The following MAPKAP1 variants were observed in gnomAD, a reference collection of about 807,000 sequenced individuals.
MAPKAP1 encodes the protein target of rapamycin complex 2 subunit MAPKAP1.
A neutral mutation model predicts 65.7 loss-of-function variants in MAPKAP1; 20 were observed. That is an observed-to-expected ratio of 0.30 (90% CI 0.21 to 0.44). The LOEUF (loss-of-function observed/expected upper bound fraction) is 0.44, where lower values mean the gene tolerates loss of function less well. MAPKAP1 is among the 20% of genes least tolerant of loss of function. The pLI, the probability that MAPKAP1 is intolerant of heterozygous loss-of-function variation, is 1.00. For missense variants in MAPKAP1, 423 were observed against 648.0 expected (o/e 0.65, Z 3.77); for synonymous variants, 222 against 244.3 (o/e 0.91, Z 0.85).
chr9:125,592,579 T>C (rs1831996334), intron 4 of MAPKAP1, among the ~76,000 whole-genome samples: 1 of 152,026 alleles, frequency 6.6e-6, no homozygotes, highest in Non-Finnish European at 1.5e-5. Context: ...ATGTAGCCTG[T>C]GTTAAGGGAT....
intron 4 of MAPKAP1, among the ~76,000 whole-genome samples, chr9:125,639,906 T>C (rs1833529562): frequency 6.6e-6 from 1 of 152,114 alleles, no homozygotes; most frequent in Non-Finnish European, 1.5e-5. Context: ...TCTGGGGAGA[T>C]ATACTTGAAC....
intron 4 of MAPKAP1, among the ~76,000 whole-genome samples, chr9:125,636,021 C>A (rs1833413177): frequency 6.6e-6 from 1 of 152,216 alleles, no homozygotes; most frequent in Non-Finnish European, 1.5e-5. Context: ...CTGGTATCAG[C>A]TGCGGCTGGT....
intron 2 of MAPKAP1, among the ~76,000 whole-genome samples, chr9:125,670,182 G>C (rs1288177715): frequency 6.6e-6 from 1 of 152,096 alleles, no homozygotes; most frequent in African/African-American, 2.4e-5. Context: ...GAAAACTTCT[G>C]TGATTAATAT....
At chr9:125,693,450 C>CAT (rs1490056234) in intron 1 of MAPKAP1, among the ~76,000 whole-genome samples, 20 of 149,566 alleles carry the variant, frequency 1.3e-4, no homozygotes, top group Non-Finnish European at 2.7e-4. Context: ...TATACACACA[C>CAT]ACACACATAC....
At chr9:125,680,824 C>G (rs1395216324) in intron 1 of MAPKAP1, among the ~76,000 whole-genome samples, 1 of 152,096 alleles carries the variant, frequency 6.6e-6, no homozygotes, top group Non-Finnish European at 1.5e-5. Flanking sequence ...AAGATAAACC[C>G]ACCACCAAAT....
chr9:125,504,118 T>C (rs1829070282), intron 8 of MAPKAP1, among the ~76,000 whole-genome samples: 1 of 152,158 alleles, frequency 6.6e-6, no homozygotes, highest in Non-Finnish European at 1.5e-5. Context: ...ATTATACTGT[T>C]ATACTACAGA....
intron 1 of MAPKAP1, among the ~76,000 whole-genome samples, chr9:125,693,783 GTA>G (rs748246969): frequency 5.9e-4 from 60 of 101,774 alleles, no homozygotes; most frequent in Non-Finnish European, 9.7e-4. Context: ...ATATATACAC[GTA>G]TATATATACA....
Position 125,693,570 on chromosome 9 carries a change from TACAC to T in MAPKAP1, c.-70+13397_-70+13400del, listed in dbSNP as rs766707950. On this transcript the variant is annotated intron_variant, in intron 1 of 11. Coordinates refer to ENST00000265960, the MANE Select transcript of MAPKAP1 (RefSeq NM_001006617.3). ...ATACATATACACACACATATATACATACACACACATATATACACGTATACACACA... is the reference window on the plus strand; with the variant it reads ...ATACATATACACACACATATATACATACACATATATACACGTATACACACA... 4.3e-4 allele frequency among the ~76,000 whole-genome samples: 63 copies of T among 147,356 alleles called. 2 individuals carry two copies. In the South Asian group the frequency reaches 4.5e-3, roughly 11 times the overall value.
intron 9 of MAPKAP1, among the ~76,000 whole-genome samples, chr9:125,483,517 T>A (rs1854390489): frequency 6.6e-6 from 1 of 152,106 alleles, no homozygotes; most frequent in Non-Finnish European, 1.5e-5. Flanking sequence ...CCCTAAGAGT[T>A]AAAAGGAGAC....
chr9:125,528,012 G>T (rs1040321018), intron 7 of MAPKAP1, among the ~76,000 whole-genome samples: 3 of 152,214 alleles, frequency 2.0e-5, no homozygotes, highest in African/African-American at 7.2e-5. Context: ...GCTGTGGACT[G>T]GTTTTCACTA....
At chr9:125,633,507 A>G (rs1429912419) in intron 4 of MAPKAP1, among the ~76,000 whole-genome samples, 1 of 152,220 alleles carries the variant, frequency 6.6e-6, no homozygotes, top group Non-Finnish European at 1.5e-5. Context: ...AGAATGGCCA[A>G]TCTAGTTTCT....
intron 3 of MAPKAP1, among the ~76,000 whole-genome samples, chr9:125,668,810 G>T (rs1588056243): frequency 6.6e-6 from 1 of 152,206 alleles, no homozygotes; most frequent in African/African-American, 2.4e-5. Context: ...AAAAAAGACT[G>T]TTACTAGGCC....
At chr9:125,596,519 G>A (rs1302821146) in intron 4 of MAPKAP1, 2 of 727,328 alleles carry the variant, frequency 2.7e-6, no homozygotes, top group Non-Finnish European at 5.1e-6. Flanking sequence ...GGAGGCAGAA[G>A]CTCTGGCAGC....
chr9:125,492,898 T>C (rs541077574), intron 8 of MAPKAP1, among the ~76,000 whole-genome samples: 4 of 152,350 alleles, frequency 2.6e-5, no homozygotes, highest in South Asian at 4.1e-4. Context: ...TCCAGCCATA[T>C]GCCAGGTGCT....
intron 11 of MAPKAP1, among the ~76,000 whole-genome samples, chr9:125,442,128 CAAAAAAAAAAAA>C (rs71492449): frequency 2.3e-4 from 9 of 38,760 alleles, no homozygotes; most frequent in African/African-American, 6.7e-4. Context: ...GACTCTGTCT[CAAAAAAAAAAAA>C]AAAAAAAAAA....
chr9:125,644,146 C>T (rs1833657497), intron 4 of MAPKAP1, among the ~76,000 whole-genome samples: 1 of 152,180 alleles, frequency 6.6e-6, no homozygotes, highest in Admixed American at 6.5e-5. Flanking sequence ...CTGGGATGTC[C>T]TTAGAAGGAT....
At chr9:125,496,351 C>T (rs1854946525) in intron 8 of MAPKAP1, among the ~76,000 whole-genome samples, 1 of 152,206 alleles carries the variant, frequency 6.6e-6, no homozygotes, top group Non-Finnish European at 1.5e-5. Flanking sequence ...TGAACACCTC[C>T]CCGCTAAAGC....
At chr9:125,619,475 T>TA (rs548900107) in intron 4 of MAPKAP1, among the ~76,000 whole-genome samples, 5,093 of 142,862 alleles carry the variant, frequency 0.036, 220 homozygotes, top group African/African-American at 0.11. Flanking sequence ...AGACTCCATT[T>TA]AAAAAAAAAA....
At chr9:125,552,778 T>C (rs1018118521) in intron 6 of MAPKAP1, among the ~76,000 whole-genome samples, 3 of 152,160 alleles carry the variant, frequency 2.0e-5, no homozygotes, top group Non-Finnish European at 4.4e-5. Flanking sequence ...AGTTTCAGAA[T>C]TTAAAAACCT....
Sources: allele counts gnomAD v4.1 joint callset (sites outside exome capture counted in the v4.1 genomes callset), GRCh38; gene constraint gnomAD v4.1.1; transcripts MANE v1.5; gene names NCBI Gene and HGNC (gene_info 2026-07-23, HGNC 2026-07-21).